ATG5: variants seen among roughly 807,000 people sequenced by gnomAD.
ATG5 encodes autophagy protein 5.
ATG5 carries 14 observed loss-of-function variants against 36.5 expected under a neutral mutation model. The observed-to-expected ratio is 0.38, with a 90% confidence interval of 0.25 to 0.60. The LOEUF (loss-of-function observed/expected upper bound fraction) is 0.60, where lower values mean the gene tolerates loss of function less well. ATG5 is among the 20% of genes least tolerant of loss of function. The pLI, the probability that ATG5 is intolerant of heterozygous loss-of-function variation, is 0.60. For missense variants in ATG5, 195 were observed against 326.7 expected (o/e 0.60, Z 3.11); for synonymous variants, 95 against 101.5 (o/e 0.94, Z 0.38).
chr6:106,232,864 C>T (rs1777742759), intron 6 of ATG5, among the ~76,000 whole-genome samples: 1 of 152,166 alleles, frequency 6.6e-6, no homozygotes, highest in Non-Finnish European at 1.5e-5. Context: ...CCTTTTTCTG[C>T]ATCCCTGTAC....
chr6:106,296,115 T>C (rs1769920622), intron 3 of ATG5, among the ~76,000 whole-genome samples: 1 of 152,152 alleles, frequency 6.6e-6, no homozygotes, highest in Non-Finnish European at 1.5e-5. Flanking sequence ...TTTTAGGTTC[T>C]GAGTTTCTTT....
intron 3 of ATG5, among the ~76,000 whole-genome samples, chr6:106,307,999 G>A (rs540887090): frequency 6.6e-6 from 1 of 152,082 alleles, no homozygotes; most frequent in Non-Finnish European, 1.5e-5. Flanking sequence ...AGGTAATCAT[G>A]TATATAAAGA....
chr6:106,303,872 G>A (rs1770314540), intron 3 of ATG5, among the ~76,000 whole-genome samples: 1 of 151,290 alleles, frequency 6.6e-6, no homozygotes, highest in African/African-American at 2.4e-5. Flanking sequence ...TGACAATTGT[G>A]AAAGACTAAT....
At chr6:106,239,560 G>A (rs1424876142) in intron 6 of ATG5, among the ~76,000 whole-genome samples, 2 of 152,190 alleles carry the variant, frequency 1.3e-5, no homozygotes, top group African/African-American at 4.8e-5. Flanking sequence ...TGCTCCAACA[G>A]ATATCAGAAC....
intron 7 of ATG5, among the ~76,000 whole-genome samples, chr6:106,190,482 T>C (rs1263591048): frequency 6.6e-6 from 1 of 152,196 alleles, no homozygotes; most frequent in Non-Finnish European, 1.5e-5. Context: ...ATTCAGGTCA[T>C]GTCAAGGATG....
chr6:106,271,314 T>A (rs1562248207), intron 5 of ATG5, among the ~76,000 whole-genome samples: 1 of 152,196 alleles, frequency 6.6e-6, no homozygotes, highest in African/African-American at 2.4e-5. Context: ...ACCTCCAACA[T>A]GATAGATAAA....
intron 1 of ATG5, among the ~76,000 whole-genome samples, chr6:106,317,725 T>C (rs544369796): frequency 3.5e-4 from 54 of 152,322 alleles, no homozygotes; most frequent in African/African-American, 1.2e-3. Context: ...ATTCAAACTA[T>C]TGAGTTTCTG....
At chr6:106,308,319 G>A (rs1770527354) in intron 3 of ATG5, 45 bp downstream of exon 3, 2 of 1,442,412 alleles carry the variant, frequency 1.4e-6, no homozygotes, top group Admixed American at 2.7e-5. Flanking sequence ...CCTTTTTAAA[G>A]CTAGTATATA....
At chr6:106,254,259 C>T (rs1027382364) in intron 5 of ATG5, among the ~76,000 whole-genome samples, 2 of 152,126 alleles carry the variant, frequency 1.3e-5, no homozygotes, top group Non-Finnish European at 2.9e-5. Flanking sequence ...CCAATCATTC[C>T]CTATACCATC....
intron 4 of ATG5, among the ~76,000 whole-genome samples, chr6:106,286,206 C>T (rs1301705368): frequency 6.6e-6 from 1 of 152,214 alleles, no homozygotes; most frequent in African/African-American, 2.4e-5. Context: ...ACCACTTCAG[C>T]AGCCCAGAAC....
At chr6:106,280,461 C>G (rs542801809) in intron 4 of ATG5, among the ~76,000 whole-genome samples, 2 of 152,036 alleles carry the variant, frequency 1.3e-5, no homozygotes, top group East Asian at 3.9e-4. Flanking sequence ...CTAGGTTAAG[C>G]TTACTATAAG....
intron 5 of ATG5, among the ~76,000 whole-genome samples, chr6:106,276,236 G>A (rs917402117): frequency 1.8e-4 from 28 of 152,156 alleles, no homozygotes; most frequent in Middle Eastern, 6.8e-3. Flanking sequence ...AGGCCGAGGC[G>A]GGTGGATCAC....
intron 2 of ATG5, among the ~76,000 whole-genome samples, chr6:106,310,772 G>C (rs1207252665): frequency 6.6e-6 from 1 of 151,964 alleles, no homozygotes; most frequent in Non-Finnish European, 1.5e-5. Context: ...ACTACTCTAG[G>C]TACCTTATTT....
chr6:106,319,239 CAT>C (rs1477040996), intron 1 of ATG5, among the ~76,000 whole-genome samples: 3 of 152,028 alleles, frequency 2.0e-5, no homozygotes, highest in Non-Finnish European at 4.4e-5. Context: ...AGAACAAGAA[CAT>C]GTCTCAAAAA....
chr6:106,188,137 T>C (rs1354498777), intron 7 of ATG5, among the ~76,000 whole-genome samples: 1 of 152,198 alleles, frequency 6.6e-6, no homozygotes, highest in African/African-American at 2.4e-5. Context: ...TACAGAATAC[T>C]ATAGAAAGCA....
intron 6 of ATG5, among the ~76,000 whole-genome samples, chr6:106,243,910 T>C: frequency 7.1e-6 from 1 of 141,014 alleles, no homozygotes; most frequent in East Asian, 2.0e-4. Flanking sequence ...CATCCTTTTT[T>C]TTTTTTTTTT....
At chr6:106,248,873 G>A (rs1778454154) in intron 5 of ATG5, among the ~76,000 whole-genome samples, 1 of 152,172 alleles carries the variant, frequency 6.6e-6, no homozygotes, top group South Asian at 2.1e-4. Context: ...GGGAGACAGA[G>A]GTTGTGGTGA....
At chr6:106,248,613 T>G (rs947433151) in intron 5 of ATG5, among the ~76,000 whole-genome samples, 24 of 152,182 alleles carry the variant, frequency 1.6e-4, no homozygotes, top group African/African-American at 5.8e-4. Flanking sequence ...CAGCTTCAAG[T>G]AGCCTAAATG....
intron 5 of ATG5, among the ~76,000 whole-genome samples, chr6:106,267,269 A>G (rs1423870888): frequency 6.6e-6 from 1 of 152,202 alleles, no homozygotes; most frequent in African/African-American, 2.4e-5. Flanking sequence ...TGAAATACCT[A>G]GGAATCCAAC....
Sources: gnomAD v4.1 joint callset for allele counts (sites outside exome capture counted in the v4.1 genomes callset) on GRCh38, gnomAD v4.1.1 for gene constraint, MANE v1.5 for transcripts, NCBI Gene and HGNC (gene_info 2026-07-23, HGNC 2026-07-21) for gene names.